Variants in HPSE2 observed in about 807,000 individuals in gnomAD.
HPSE2 encodes inactive heparanase-2.
Under a neutral mutation model 60.5 loss-of-function variants are expected in HPSE2, and 38 were observed. The observed-to-expected ratio is 0.63, with a 90% CI of 0.48 to 0.82. HPSE2 has a LOEUF of 0.82. HPSE2 is among the 40% of genes least tolerant of loss of function. HPSE2 has a pLI of 0.00. For missense variants in HPSE2, 713 were observed against 740.4 expected (o/e 0.96, Z 0.43); for synonymous variants, 295 against 293.2 (o/e 1.01, Z -0.06).
chr10:98,761,329 G>A (rs149608696), intron 3 of HPSE2, among the ~76,000 whole-genome samples: 1 of 152,140 alleles, frequency 6.6e-6, no homozygotes, highest in Non-Finnish European at 1.5e-5. Context: ...CATCAACAAA[G>A]CAACTCCTAG....
chr10:98,581,976 C>A (rs1332764892), intron 9 of HPSE2, among the ~76,000 whole-genome samples: 2 of 147,216 alleles, frequency 1.4e-5, no homozygotes, highest in Non-Finnish European at 3.1e-5. Context: ...CACACATGTT[C>A]CTTGTGAGAA....
chr10:98,629,609 G>A (rs781503576), intron 7 of HPSE2, among the ~76,000 whole-genome samples: 1 of 152,104 alleles, frequency 6.6e-6, no homozygotes, highest in Non-Finnish European at 1.5e-5. Context: ...CTTGTCATTT[G>A]TTCCTTGGTC....
intron 6 of HPSE2, among the ~76,000 whole-genome samples, chr10:98,666,767 GGGATGCCACTAAA>G (rs1281829508): frequency 6.6e-6 from 1 of 152,050 alleles, no homozygotes; most frequent in African/African-American, 2.4e-5. Flanking sequence ...CAAAATCCTT[GGGATGCCACTAAA>G]GTGGTGGTAA....
intron 3 of HPSE2, among the ~76,000 whole-genome samples, chr10:98,974,355 A>C (rs1589448053): frequency 2.7e-5 from 4 of 150,710 alleles, no homozygotes; most frequent in African/African-American, 9.7e-5. Context: ...GTTTGTTTTG[A>C]GATGGAGTCT....
the HPSE2 span, among the ~76,000 whole-genome samples, chr10:99,277,012 G>T: frequency 6.6e-6 from 1 of 152,106 alleles, no homozygotes; most frequent in African/African-American, 2.4e-5. Flanking sequence ...AAATTACCAG[G>T]TCAATTCTGA....
At chr10:99,192,580 G>T (rs918274433) in intron 2 of HPSE2, among the ~76,000 whole-genome samples, 1 of 151,326 alleles carries the variant, frequency 6.6e-6, no homozygotes, top group Non-Finnish European at 1.5e-5. Flanking sequence ...GGGACTACAG[G>T]CATCTGCCAC....
chr10:98,669,152 A>T (rs1046001106), intron 6 of HPSE2, among the ~76,000 whole-genome samples: 4 of 152,224 alleles, frequency 2.6e-5, no homozygotes, highest in African/African-American at 9.6e-5. Flanking sequence ...ATCACTAATC[A>T]TTAGAGAAAT....
In HPSE2 at chr10:98,570,451, A is replaced by ATT. The variant is rs10636449; in HGVS notation, c.1320+44451_1320+44452dup. Among the ~76,000 whole-genome samples, 265 of 147,732 alleles carry ATT rather than the reference A, an allele frequency of 1.8e-3. 2 individuals carry two copies. Among genetic ancestry groups the ATT allele is most frequent in the African/African-American group, 6.2e-3 (252 of 40,436 alleles). ...GGACTAAGAGGAAGTGTTTTTGTGG[A>ATT]TTTTTTTTTTGGTCTTGTTTTTAAA... On this transcript the variant is annotated intron_variant, in intron 9 of 11. Coordinates refer to ENST00000370552, the MANE Select transcript of HPSE2 (RefSeq NM_021828.5).
intron 6 of HPSE2, among the ~76,000 whole-genome samples, chr10:98,654,051 C>T (rs1449660533): frequency 6.6e-6 from 1 of 151,662 alleles, no homozygotes; most frequent in African/African-American, 2.4e-5. Flanking sequence ...TACTTCAGAT[C>T]CTTGTTCACA....
chr10:98,865,188 G>T (rs567011345), intron 3 of HPSE2, among the ~76,000 whole-genome samples: 1 of 152,056 alleles, frequency 6.6e-6, no homozygotes, highest in African/African-American at 2.4e-5. Context: ...CCCAACCAGA[G>T]GAATTTAATC....
At chr10:99,068,482 G>A (rs1490625981) in intron 3 of HPSE2, among the ~76,000 whole-genome samples, 2 of 152,144 alleles carry the variant, frequency 1.3e-5, no homozygotes, top group Non-Finnish European at 2.9e-5. Flanking sequence ...CATTTATAAA[G>A]CCATCAGATC....
intron 4 of HPSE2, among the ~76,000 whole-genome samples, chr10:98,736,455 G>C (rs1949361188): frequency 6.6e-6 from 1 of 152,138 alleles, no homozygotes; most frequent in African/African-American, 2.4e-5. Context: ...TTTAGTGAGA[G>C]AACATGATTC....
At chr10:98,479,127 A>G (rs532668037) in intron 11 of HPSE2, among the ~76,000 whole-genome samples, 138 of 152,264 alleles carry the variant, frequency 9.1e-4, no homozygotes, top group Non-Finnish European at 1.6e-3. Context: ...AATGAGAATT[A>G]CCCCATGTCC....
intron 7 of HPSE2, among the ~76,000 whole-genome samples, chr10:98,626,133 A>G (rs1271993758): frequency 6.6e-6 from 1 of 151,484 alleles, no homozygotes; most frequent in Admixed American, 6.6e-5. Context: ...AGAAAAAAGA[A>G]AAAAGATGAA....
At chr10:99,060,204 A>G (rs538068669) in intron 3 of HPSE2, among the ~76,000 whole-genome samples, 35 of 152,286 alleles carry the variant, frequency 2.3e-4, no homozygotes, top group Non-Finnish European at 4.1e-4. Flanking sequence ...CTTGAGGCAT[A>G]TATTTGGGGA....
chr10:98,981,353 T>C (rs562475486), intron 3 of HPSE2, among the ~76,000 whole-genome samples: 4 of 152,278 alleles, frequency 2.6e-5, no homozygotes, highest in East Asian at 1.9e-4. Context: ...CAATGTGATA[T>C]AAATAGGAAG....
intron 3 of HPSE2, among the ~76,000 whole-genome samples, chr10:98,841,767 G>A (rs1317434305): frequency 6.6e-6 from 1 of 151,514 alleles, no homozygotes; most frequent in Non-Finnish European, 1.5e-5. Flanking sequence ...CCAGTGGAAT[G>A]TAAATTTCAT....
At chr10:98,459,798 C>A in intron 11 of HPSE2, 59 bp from the exon 12 acceptor site, 1 of 1,516,164 alleles carries the variant, frequency 6.6e-7, no homozygotes, top group Non-Finnish European at 9.0e-7. Context: ...GCCACTGCAA[C>A]AAAGCCTAGC....
At position 98,921,030 on chromosome 10, in the gene HPSE2, G is replaced by A. The variant is rs142379948; in HGVS notation, c.611-176974C>T. Among the ~76,000 whole-genome samples the A allele has an allele frequency of 2.3e-4, 35 of 152,254 alleles. No homozygotes were observed. In the East Asian group the frequency reaches 6.8e-3, roughly 29 times the overall value. ...CATCATAGTTAAGTGTGCAGGCTCT[G>A]TACTCCTACACACTTGCATCTAAAT... On this transcript the variant is annotated intron_variant, in intron 3 of 11. Coordinates refer to ENST00000370552, the MANE Select transcript of HPSE2 (RefSeq NM_021828.5).
Sources: allele counts gnomAD v4.1 joint callset (sites outside exome capture counted in the v4.1 genomes callset), GRCh38; gene constraint gnomAD v4.1.1; transcripts MANE v1.5; gene names NCBI Gene and HGNC (gene_info 2026-07-23, HGNC 2026-07-21).